Variants in WASF3 observed in about 807,000 individuals in gnomAD.
The protein encoded by WASF3 is WASP family member 3.
In WASF3, 11 loss-of-function variants were observed where a neutral mutation model predicts 46.6. The ratio of observed to expected loss-of-function variants is 0.24; its 90% CI spans 0.15 to 0.39. The LOEUF is 0.39. Ranked by LOEUF, WASF3 falls within the 10% of genes least tolerant of loss-of-function variation. The pLI is 1.00. For synonymous variants in WASF3, 242 were observed against 259.7 expected, an observed-to-expected ratio of 0.93 and a Z score of 0.65; for missense variants, 576 against 669.8, an observed-to-expected ratio of 0.86 and a Z score of 1.55.
chr13:26,555,528 G>A (rs1056690319), upstream of WASF3, among the ~76,000 whole-genome samples: 58 of 152,020 alleles, frequency 3.8e-4, no homozygotes, highest in African/African-American at 1.3e-3. Flanking sequence ...GAAGGTGCTG[G>A]GTAAAGCTTC....
chr13:26,563,027 C>G (rs936190007), intron 1 of WASF3, among the ~76,000 whole-genome samples: 2 of 150,846 alleles, frequency 1.3e-5, no homozygotes, highest in African/African-American at 4.9e-5. Flanking sequence ...ACTGGTTGTT[C>G]CTTTGCAGGG....
chr13:26,571,859 C>T (rs951026789), intron 1 of WASF3, among the ~76,000 whole-genome samples: 1 of 152,156 alleles, frequency 6.6e-6, no homozygotes, highest in African/African-American at 2.4e-5. Flanking sequence ...GTCGAATGTT[C>T]GTCTGCTTTC....
chr13:26,678,342 T>A (rs966696242), intron 7 of WASF3, among the ~76,000 whole-genome samples: 1 of 152,144 alleles, frequency 6.6e-6, no homozygotes, highest in Admixed American at 6.5e-5. Flanking sequence ...CAGGAAAAAA[T>A]TAAAATGAAA....
chr13:26,539,332 G>T, the WASF3 span, among the ~76,000 whole-genome samples: 1 of 152,152 alleles, frequency 6.6e-6, no homozygotes, highest in South Asian at 2.1e-4. Flanking sequence ...CCTCATGCAG[G>T]ATCCGGTGGA....
rs183807770 is a variant in WASF3, at chr13:26,657,200, C to T, written c.134-7828C>T. Among the ~76,000 whole-genome samples, 130 of 152,334 alleles carry T rather than the reference C, an allele frequency of 8.5e-4. 1 individual carries two copies. The highest frequency in any genetic ancestry group is 3.0e-3 in the African/African-American group (126 of 41,574). ...ACAAAACTTCACAAAGTGCCTGACTCAAGGACTGAGAGCAGCCCTCTGGAA... is the reference window on the plus strand; with the variant it reads ...ACAAAACTTCACAAAGTGCCTGACTTAAGGACTGAGAGCAGCCCTCTGGAA... On this transcript the variant is annotated intron_variant, in intron 3 of 9. Coordinates refer to ENST00000335327, the MANE Select transcript of WASF3 (RefSeq NM_006646.6).
intron 1 of WASF3, among the ~76,000 whole-genome samples, chr13:26,563,471 A>G (rs1254749496): frequency 6.6e-6 from 1 of 152,058 alleles, no homozygotes; most frequent in East Asian, 1.9e-4. Flanking sequence ...CATGGCCAAC[A>G]TGGCAAAACC....
intron 9 of WASF3, among the ~76,000 whole-genome samples, chr13:26,683,753 C>T (rs927650178): frequency 2.6e-5 from 4 of 152,066 alleles, no homozygotes; most frequent in African/African-American, 7.2e-5. Flanking sequence ...GAAAGTCCCG[C>T]GTTGACCCCC....
intron 2 of WASF3, among the ~76,000 whole-genome samples, chr13:26,627,511 A>G (rs1211590846): frequency 6.6e-6 from 1 of 152,106 alleles, no homozygotes; most frequent in Non-Finnish European, 1.5e-5. Context: ...GTCAAAGTTT[A>G]TATGTGTCAC....
At chr13:26,654,298 C>T (rs1052299295) in intron 3 of WASF3, among the ~76,000 whole-genome samples, 1 of 152,182 alleles carries the variant, frequency 6.6e-6, no homozygotes, top group African/African-American at 2.4e-5. Context: ...AAGGTTCTTT[C>T]CCTAGATATT....
At chr13:26,673,113 A>C (rs1226340556) in intron 6 of WASF3, among the ~76,000 whole-genome samples, 1 of 152,232 alleles carries the variant, frequency 6.6e-6, no homozygotes, top group Non-Finnish European at 1.5e-5. Context: ...CTTAATCCTC[A>C]TGCTTTTTTA....
intron 1 of WASF3, among the ~76,000 whole-genome samples, chr13:26,602,745 G>T (rs1880678504): frequency 6.6e-6 from 1 of 152,084 alleles, no homozygotes; most frequent in Admixed American, 6.5e-5. Flanking sequence ...AATATAGTTT[G>T]ATTTTGGAGT....
At chr13:26,635,001 T>G (rs1413159037) in intron 2 of WASF3, among the ~76,000 whole-genome samples, 2 of 152,214 alleles carry the variant, frequency 1.3e-5, no homozygotes, top group African/African-American at 2.4e-5. Flanking sequence ...CTTTGTGGTG[T>G]TCTCTGTATT....
At chr13:26,645,430 A>T (rs1189159280) in intron 3 of WASF3, among the ~76,000 whole-genome samples, 1 of 152,160 alleles carries the variant, frequency 6.6e-6, no homozygotes, top group Non-Finnish European at 1.5e-5. Flanking sequence ...TAGTAGCTCA[A>T]ATTGCCTGTG....
chr13:26,638,922 A>G (rs549378714), intron 2 of WASF3, among the ~76,000 whole-genome samples: 61 of 152,310 alleles, frequency 4.0e-4, no homozygotes, highest in African/African-American at 1.4e-3. Flanking sequence ...GGTTAAAAAG[A>G]GTCTGGCTTC....
chr13:26,649,502 C>G (rs1268670104), intron 3 of WASF3, among the ~76,000 whole-genome samples: 1 of 152,166 alleles, frequency 6.6e-6, no homozygotes, highest in Non-Finnish European at 1.5e-5. Context: ...TGAAAACCAG[C>G]CTTTTGAAAG....
At chr13:26,660,428 C>T (rs186225679) in intron 3 of WASF3, among the ~76,000 whole-genome samples, 18 of 151,512 alleles carry the variant, frequency 1.2e-4, no homozygotes, top group Non-Finnish European at 2.9e-5. Flanking sequence ...AGAGAGAGGC[C>T]GGATGGATGA....
the WASF3 span, among the ~76,000 whole-genome samples, chr13:26,549,102 C>T: frequency 6.6e-6 from 1 of 151,970 alleles, no homozygotes; most frequent in Non-Finnish European, 1.5e-5. Context: ...CTGCCTCAGC[C>T]TCCCAGGTAG....
intron 1 of WASF3, among the ~76,000 whole-genome samples, chr13:26,589,800 T>G (rs1165273062): frequency 2.6e-5 from 4 of 152,172 alleles, no homozygotes; most frequent in Non-Finnish European, 5.9e-5. Context: ...TTGGATTGTT[T>G]TGAACAGAGG....
chr13:26,651,237 G>T (rs1454170456), intron 3 of WASF3, among the ~76,000 whole-genome samples: 1 of 152,072 alleles, frequency 6.6e-6, no homozygotes, highest in Non-Finnish European at 1.5e-5. Flanking sequence ...CATGAGAATG[G>T]CTTGATCCTG....
Sources: allele counts gnomAD v4.1 joint callset (sites outside exome capture counted in the v4.1 genomes callset), GRCh38; gene constraint gnomAD v4.1.1; transcripts MANE v1.5; gene names NCBI Gene and HGNC (gene_info 2026-07-23, HGNC 2026-07-21).